Variants in ADAM20 observed in about 807,000 individuals in gnomAD.
The protein encoded by ADAM20 is ADAM metallopeptidase domain 20, also known as disintegrin and metalloproteinase domain-containing protein 20.
For missense variants in ADAM20, 871 were observed against 883.2 expected (o/e 0.99, Z 0.18); for synonymous variants, 305 against 310.2 (o/e 0.98, Z 0.18).
chr14:70,560,517 A>G, the ADAM20 span, among the ~76,000 whole-genome samples: 1 of 152,214 alleles, frequency 6.6e-6, no homozygotes, highest in African/African-American at 2.4e-5. Flanking sequence ...TGACAGACTC[A>G]TAGAAAAAAA....
the ADAM20 span, chr14:70,557,274 T>C: frequency 6.6e-6 from 1 of 152,192 alleles, no homozygotes; most frequent in Admixed American, 6.5e-5. Context: ...AAAAGATATA[T>C]ATGAGAAGGA....
rs1351440652 is a variant in ADAM20, at chr14:70,524,843, C to G, written c.-86G>C. The G allele has an allele frequency of 2.4e-5, 39 of 1,613,058 alleles. No homozygotes were observed. Among genetic ancestry groups the G allele is most frequent in the South Asian group, 3.3e-5 (3 of 91,042 alleles). ...TGCTGGTCTGGCTCCTCCCTCTGAG[C>G]TGTTCAGGGTGCATGGCTGACCTTT... On this transcript the variant is annotated 5_prime_UTR_variant, in exon 2 of 2. Coordinates refer to ENST00000256389, the MANE Select transcript of ADAM20 (RefSeq NM_003814.5).
the ADAM20 span, among the ~76,000 whole-genome samples, chr14:70,571,611 A>T: frequency 2.0e-5 from 3 of 152,240 alleles, no homozygotes; most frequent in Non-Finnish European, 4.4e-5. Context: ...TGCCTATACA[A>T]CATAGTACTG....
chr14:70,540,403 C>T, the ADAM20 span, among the ~76,000 whole-genome samples: 1 of 152,134 alleles, frequency 6.6e-6, no homozygotes, highest in Admixed American at 6.5e-5. Flanking sequence ...GCCATGGAAA[C>T]TTTCAGTTCA....
chr14:70,553,688 A>G, the ADAM20 span, among the ~76,000 whole-genome samples: 1 of 152,036 alleles, frequency 6.6e-6, no homozygotes, highest in Non-Finnish European at 1.5e-5. Flanking sequence ...AAGGGCAAAA[A>G]CCATGTGATC....
upstream of ADAM20, among the ~76,000 whole-genome samples, chr14:70,537,573 T>G (rs1487451108): frequency 6.6e-6 from 1 of 152,178 alleles, no homozygotes; most frequent in Non-Finnish European, 1.5e-5. Flanking sequence ...GTCCAGTTTC[T>G]TCTCAGCTTG....
chr14:70,526,400 A>G (rs189791957), intron 1 of ADAM20, among the ~76,000 whole-genome samples: 1 of 152,262 alleles, frequency 6.6e-6, no homozygotes, highest in African/African-American at 2.4e-5. Context: ...GGATCACTAG[A>G]TGAGACCTCT....
the ADAM20 span, among the ~76,000 whole-genome samples, chr14:70,564,736 ATTTTTTTTTT>A: frequency 1.1e-5 from 1 of 91,850 alleles, no homozygotes; most frequent in South Asian, 4.3e-4. Context: ...GATAGACGCA[ATTTTTTTTTT>A]TTTTTTTTTT....
the ADAM20 span, among the ~76,000 whole-genome samples, chr14:70,543,870 A>G: frequency 2.4e-4 from 36 of 152,296 alleles, no homozygotes; most frequent in African/African-American, 7.7e-4. Flanking sequence ...ACAGAGCAGG[A>G]GCATCACCAT....
At chr14:70,537,923 C>T (rs1311478430), upstream of ADAM20, among the ~76,000 whole-genome samples, 1 of 152,160 alleles carries the variant, frequency 6.6e-6, no homozygotes, top group Non-Finnish European at 1.5e-5. Flanking sequence ...AGGCTTTCTT[C>T]TACCTTATAT....
chr14:70,528,531 T>C (rs546262473), intron 1 of ADAM20, among the ~76,000 whole-genome samples: 4 of 152,342 alleles, frequency 2.6e-5, no homozygotes, highest in East Asian at 3.9e-4. Context: ...AACTGTTCCA[T>C]ATGTCCAGGT....
chr14:70,549,183 C>A, the ADAM20 span, among the ~76,000 whole-genome samples: 9,404 of 103,434 alleles, frequency 0.091, 844 homozygotes, highest in East Asian at 0.5. Flanking sequence ...ATAACCGGTA[C>A]CAGCCGCTGC....
chr14:70,553,613 C>T, the ADAM20 span, among the ~76,000 whole-genome samples: 25 of 149,396 alleles, frequency 1.7e-4, no homozygotes, highest in Non-Finnish European at 3.4e-4. Context: ...GGATTTATCA[C>T]TGGGATGTAA....
chr14:70,557,919 T>C, the ADAM20 span, among the ~76,000 whole-genome samples: 10 of 152,206 alleles, frequency 6.6e-5, no homozygotes, highest in Non-Finnish European at 1.3e-4. Context: ...TTGTATTTAA[T>C]TGAAAGACAA....
chr14:70,576,661 T>C, the ADAM20 span, among the ~76,000 whole-genome samples: 1 of 152,132 alleles, frequency 6.6e-6, no homozygotes, highest in East Asian at 1.9e-4. Context: ...GCCATGTGCA[T>C]GGAGTAATTC....
chr14:70,561,664 G>A, the ADAM20 span, among the ~76,000 whole-genome samples: 1 of 152,224 alleles, frequency 6.6e-6, no homozygotes, highest in African/African-American at 2.4e-5. Context: ...GCCTTGGGAC[G>A]TGGGAATGGC....
At chr14:70,535,546 T>C (rs1183553482), upstream of ADAM20, among the ~76,000 whole-genome samples, 1 of 152,108 alleles carries the variant, frequency 6.6e-6, no homozygotes, top group Non-Finnish European at 1.5e-5. Context: ...GTCTGAGAAG[T>C]CTATGCACCT....
At chr14:70,559,015 A>T in the ADAM20 span, among the ~76,000 whole-genome samples, 1 of 152,164 alleles carries the variant, frequency 6.6e-6, no homozygotes, top group East Asian at 1.9e-4. Context: ...TGATGATCTC[A>T]TCCATCTCAT....
chr14:70,547,384 C>A, the ADAM20 span: 3 of 150,084 alleles, frequency 2.0e-5, no homozygotes, highest in Non-Finnish European at 3.0e-5. Flanking sequence ...GCATTTCCAT[C>A]TGAGGTACCG....
Sources: allele counts gnomAD v4.1 joint callset (sites outside exome capture counted in the v4.1 genomes callset), GRCh38; gene constraint gnomAD v4.1.1; transcripts MANE v1.5; gene names NCBI Gene and HGNC (gene_info 2026-07-23, HGNC 2026-07-21).